ANKRD11: variants seen among roughly 807,000 people sequenced by gnomAD.
ANKRD11 encodes ankyrin repeat domain-containing protein 11.
In ANKRD11, 17 loss-of-function variants were observed where a neutral mutation model predicts 195.7. The ratio of observed to expected loss-of-function variants is 0.09; its 90% CI spans 0.06 to 0.13. The LOEUF is 0.13. Ranked by LOEUF, ANKRD11 falls within the 10% of genes least tolerant of loss-of-function variation. The pLI is 1.00. For synonymous variants in ANKRD11, 1,953 were observed against 1,528.1 expected (o/e 1.28, Z -6.49); for missense variants, 3,735 against 3,566.1 (o/e 1.05, Z -1.21).
chr16:89,282,392 C>G lies in ANKRD11; in HGVS notation c.4150G>C (p.Gly1384Arg). Residue 1384 changes from glycine (G) to arginine (R), a missense_variant, in exon 9 of 13, where the codon GGT (glycine) becomes CGT (arginine). Transcript: ENST00000301030. ...TACTGGCCGGAGTCCTTCCTGCTAC[C>G]GCCCTCCTTGTAATCTTCGCCCTTC... is the stretch of plus-strand genomic sequence containing the variant. ...KEKGEDYKEG[G>R]SRKDSGQYEK... The G allele has an allele frequency of 6.2e-7, 1 of 1,614,162 alleles. No homozygotes were observed.
intron 1 of ANKRD11, among the ~76,000 whole-genome samples, chr16:89,462,035 CCTCTCCCTCTCCCCCTCTCCCTCTCCCT>C (rs1262451179): frequency 2.0e-4 from 29 of 141,788 alleles, no homozygotes; most frequent in African/African-American, 3.6e-4. Flanking sequence ...TCTCCCTCCC[CCTCTCCCTCTCCCCCTCTCCCTCTCCCT>C]CTCTCCCTCT....
In ANKRD11 at chr16:89,281,448, G is replaced by A. The variant is rs199787658; in HGVS notation, c.5094C>T (p.Ser1698=). The change falls in exon 9 of 13, where the codon AGC becomes AGT. Residue 1698 remains serine, a synonymous_variant. Coordinates refer to ENST00000301030, the MANE Select transcript of ANKRD11 (RefSeq NM_013275.6). This position sits in a 1 kb window ranked among gnomAD's most constrained non-coding sequence, Gnocchi z 5.5. ...TAGGGGTGGGCACGCCAGTGGGCCG[G>A]CTCTGGTCAGGCCTGGGGGACGCAG... The part of the protein sequence containing the change: ...VLPASPRPDQ[S]RPTGVPTPTS... The A allele has an allele frequency of 3.1e-6, 5 of 1,613,778 alleles. No individual in the cohort carries two copies. Among genetic ancestry groups the A allele is most frequent in the African/African-American group, 1.3e-5 (1 of 75,022 alleles).
At chr16:89,312,160 A>G (rs867519347) in intron 3 of ANKRD11, among the ~76,000 whole-genome samples, 10 of 152,308 alleles carry the variant, frequency 6.6e-5, no homozygotes, top group Non-Finnish European at 8.8e-5. Flanking sequence ...GGCCTCCCAA[A>G]GTGCTGGGAT....
chr16:89,483,696 C>T (rs913482924), intron 1 of ANKRD11, among the ~76,000 whole-genome samples: 2 of 151,902 alleles, frequency 1.3e-5, no homozygotes, highest in African/African-American at 4.8e-5. Context: ...GGAGTGGTGG[C>T]GCGTGCCTGT....
At chr16:89,380,754 G>A (rs1292288080) in intron 2 of ANKRD11, among the ~76,000 whole-genome samples, 1 of 152,232 alleles carries the variant, frequency 6.6e-6, no homozygotes, top group Non-Finnish European at 1.5e-5. Context: ...GAAGCTGGAG[G>A]CCTCGTGGGG....
chr16:89,473,593 G>A lies in ANKRD11; in HGVS notation c.-145+16652C>T, dbSNP rs759107455. Among the ~76,000 whole-genome samples, 3 of 152,230 alleles carry A rather than the reference G, an allele frequency of 2.0e-5. 1 individual carries two copies. The South Asian group carries it at 6.2e-4, about 32-fold the overall frequency. On this transcript the variant is annotated intron_variant, in intron 1 of 12. Coordinates refer to ENST00000301030, the MANE Select transcript of ANKRD11 (RefSeq NM_013275.6). ...CCGTTCTACAAGTGGGTCCGGGAAT[G>A]CATGCAAATGGAGGAGAGAGAAGAG... is the stretch of plus-strand genomic sequence containing the variant.
At chr16:89,377,808 C>A (rs1221851643) in intron 2 of ANKRD11, among the ~76,000 whole-genome samples, 1 of 152,070 alleles carries the variant, frequency 6.6e-6, no homozygotes, top group African/African-American at 2.4e-5. Flanking sequence ...CAAAGCACTT[C>A]GTAAGTTACA....
chr16:89,384,879 C>CTTTTTCTTTTTTTTTTTT (rs2040833636), intron 2 of ANKRD11, among the ~76,000 whole-genome samples: 5 of 49,942 alleles, frequency 1.0e-4, no homozygotes, highest in African/African-American at 4.0e-4. Flanking sequence ...AAATAGTTTT[C>CTTTTTCTTTTTTTTTTTT]TTTTTTTTTT....
chr16:89,367,146 G>C (rs966363), intron 2 of ANKRD11, among the ~76,000 whole-genome samples: 4,433 of 152,166 alleles, frequency 0.029, 146 homozygotes, highest in African/African-American at 0.075. Flanking sequence ...CGCACCCATC[G>C]GTGAGGAAGA....
At chr16:89,395,885 G>A (rs927428058) in intron 2 of ANKRD11, 4 of 152,120 alleles carry the variant, frequency 2.6e-5, no homozygotes, top group African/African-American at 7.2e-5. Context: ...ACTACGTCCC[G>A]AGCACGCAGC....
intron 2 of ANKRD11, among the ~76,000 whole-genome samples, chr16:89,373,860 G>A (rs2040301692): frequency 6.6e-6 from 1 of 152,244 alleles, no homozygotes; most frequent in South Asian, 2.1e-4. Flanking sequence ...AGTTAGAGCT[G>A]CTATTAATTG....
intron 1 of ANKRD11, chr16:89,459,199 T>C (rs2056565054): frequency 2.4e-5 from 4 of 169,588 alleles, no homozygotes; most frequent in Non-Finnish European, 5.2e-5. Flanking sequence ...CAGATGTGCA[T>C]CTGGTTCTGT....
chr16:89,431,588 G>A (rs560483379), intron 1 of ANKRD11, among the ~76,000 whole-genome samples: 14 of 152,132 alleles, frequency 9.2e-5, no homozygotes, highest in East Asian at 1.9e-4. Context: ...CACCATTCCC[G>A]GTTTCTCTTG....
intron 3 of ANKRD11, among the ~76,000 whole-genome samples, chr16:89,306,860 C>G (rs1171162727): frequency 1.3e-4 from 20 of 148,428 alleles, no homozygotes; most frequent in Admixed American, 3.3e-4. Context: ...ACTCCGCAGA[C>G]ACGCGCCACC....
intron 1 of ANKRD11, among the ~76,000 whole-genome samples, chr16:89,481,460 C>G (rs994638810): frequency 6.6e-6 from 1 of 152,126 alleles, no homozygotes; most frequent in Non-Finnish European, 1.5e-5. Flanking sequence ...ATGACGTTGA[C>G]GCAGGAGGCT....
chr16:89,397,593 G>A (rs2041500291), intron 2 of ANKRD11, among the ~76,000 whole-genome samples: 1 of 152,246 alleles, frequency 6.6e-6, no homozygotes, highest in African/African-American at 2.4e-5. Context: ...GGTGTGCATG[G>A]CAAGGGGCCC....
chr16:89,473,844 C>T (rs902255080), intron 1 of ANKRD11, among the ~76,000 whole-genome samples: 3 of 152,196 alleles, frequency 2.0e-5, no homozygotes, highest in Non-Finnish European at 2.9e-5. Context: ...GTGCTTCTAA[C>T]CCACAGAATG....
At chr16:89,466,310 G>T (rs975053782) in intron 1 of ANKRD11, among the ~76,000 whole-genome samples, 2 of 152,138 alleles carry the variant, frequency 1.3e-5, no homozygotes, top group African/African-American at 4.8e-5. Context: ...AATCCAGAGA[G>T]ATAGAAAAGA....
intron 2 of ANKRD11, among the ~76,000 whole-genome samples, chr16:89,367,344 G>A (rs1484873055): frequency 1.3e-5 from 2 of 152,216 alleles, no homozygotes; most frequent in African/African-American, 2.4e-5. Flanking sequence ...CAGTGGCGGC[G>A]CCCAGAGCGG....
Sources: gnomAD v4.1 joint callset for allele counts (sites outside exome capture counted in the v4.1 genomes callset) on GRCh38, gnomAD v4.1.1 for gene constraint, Gnocchi (gnomAD v3.1) non-coding constraint, MANE v1.5 for transcripts, NCBI Gene and HGNC (gene_info 2026-07-23, HGNC 2026-07-21) for gene names.